Variants in DIAPH3 observed in about 807,000 individuals in gnomAD.
The protein encoded by DIAPH3 is protein diaphanous homolog 3.
A neutral mutation model predicts 144.3 loss-of-function variants in DIAPH3; 117 were observed. The observed-to-expected ratio is 0.81, with a 90% CI of 0.70 to 0.95. The LOEUF is 0.95. Among genes scored for constraint, DIAPH3 ranks in the 40% least tolerant of loss-of-function variants. DIAPH3 has a pLI of 0.00. For synonymous variants in DIAPH3, 519 were observed against 488.9 expected, an observed-to-expected ratio of 1.06 and a Z score of -0.81; for missense variants, 1,421 against 1,412.7, an observed-to-expected ratio of 1.01 and a Z score of -0.09.
chr13:59,923,365 A>T (rs977136918), intron 18 of DIAPH3, among the ~76,000 whole-genome samples: 5 of 152,294 alleles, frequency 3.3e-5, no homozygotes, highest in Middle Eastern at 6.8e-3. Context: ...ATAGTTCAAA[A>T]CACAGTGCTT....
At position 59,731,545 on chromosome 13, in the gene DIAPH3, C is replaced by G. The variant is rs569386686; in HGVS notation, c.3319+42644G>C. On this transcript the variant is annotated intron_variant, in intron 27 of 27. Transcript: ENST00000400324. ...ATTAAGCAATCTAATTAGACAGACA[C>G]CATATCTACTTCTGTATGACATTTT... Among the ~76,000 whole-genome samples, 172 of 152,228 alleles carry G rather than the reference C, an allele frequency of 1.1e-3. 5 individuals carry two copies. The South Asian group carries it at 0.035, about 31-fold the overall frequency.
At chr13:59,897,740 T>A (rs1297206549) in intron 20 of DIAPH3, among the ~76,000 whole-genome samples, 1 of 142,396 alleles carries the variant, frequency 7.0e-6, no homozygotes, top group East Asian at 2.1e-4. Context: ...AGGGTAAGAC[T>A]CCATCTCAAA....
rs141940212 is a variant in DIAPH3, at chr13:59,699,182, T to A, written c.3320-32336A>T. On this transcript the variant is annotated intron_variant, in intron 27 of 27. Transcript: ENST00000400324. Reference sequence around the variant, plus strand: ...GTCAGTACATTGGAGAAAAAGGCAGTGTCAACATGCTGAGGGTTGTGGTTG... The same window carrying A: ...GTCAGTACATTGGAGAAAAAGGCAGAGTCAACATGCTGAGGGTTGTGGTTG... Among the ~76,000 whole-genome samples, 14 of 152,300 alleles carry A rather than the reference T, an allele frequency of 9.2e-5. No individual in the cohort carries two copies. In the East Asian group the frequency reaches 2.7e-3, roughly 29 times the overall value.
chr13:60,015,004 G>GTTTTGTT (rs1377798296), intron 7 of DIAPH3, among the ~76,000 whole-genome samples: 6 of 151,488 alleles, frequency 4.0e-5, no homozygotes, highest in Admixed American at 4.0e-4. Context: ...GTTTTGTTTT[G>GTTTTGTT]TTTTGTTTAA....
intron 2 of DIAPH3, among the ~76,000 whole-genome samples, chr13:60,122,572 T>C (rs774155321): frequency 7.2e-4 from 110 of 152,334 alleles, no homozygotes; most frequent in Admixed American, 1.6e-3. Context: ...TAGCTTCCTA[T>C]CTTCCAGGCC....
chr13:59,909,613 C>T (rs1463515623), intron 20 of DIAPH3, among the ~76,000 whole-genome samples: 1 of 152,120 alleles, frequency 6.6e-6, no homozygotes, highest in Non-Finnish European at 1.5e-5. Context: ...GAACCGAAAA[C>T]AATTTGTTCA....
At chr13:59,959,351 G>C (rs188288308) in intron 17 of DIAPH3, among the ~76,000 whole-genome samples, 2 of 152,258 alleles carry the variant, frequency 1.3e-5, no homozygotes, top group African/African-American at 4.8e-5. Context: ...TTGTTCCACA[G>C]CCTCTGCTGC....
chr13:60,135,593 A>T (rs1375660707), intron 1 of DIAPH3, among the ~76,000 whole-genome samples: 6 of 152,220 alleles, frequency 3.9e-5, no homozygotes, highest in African/African-American at 1.2e-4. Flanking sequence ...TCAATAGGGC[A>T]GGAAATCACA....
chr13:59,769,952 C>T (rs1364905417), intron 27 of DIAPH3, among the ~76,000 whole-genome samples: 1 of 151,926 alleles, frequency 6.6e-6, no homozygotes, highest in East Asian at 1.9e-4. Flanking sequence ...ATAGATAATG[C>T]CCTGTACTCA....
intron 1 of DIAPH3, among the ~76,000 whole-genome samples, chr13:60,152,526 T>C (rs543467191): frequency 1.4e-5 from 2 of 141,242 alleles, no homozygotes; most frequent in South Asian, 4.5e-4. Context: ...CCTAAAAAAA[T>C]CAAAATTGAA....
chr13:59,805,204 T>C (rs890646835), intron 25 of DIAPH3, among the ~76,000 whole-genome samples: 1 of 152,048 alleles, frequency 6.6e-6, no homozygotes, highest in African/African-American at 2.4e-5. Flanking sequence ...CAAAACATAA[T>C]TACACAACAC....
chr13:59,859,621 A>C (rs1449422046), intron 22 of DIAPH3, among the ~76,000 whole-genome samples: 1 of 151,868 alleles, frequency 6.6e-6, no homozygotes, highest in East Asian at 1.9e-4. Context: ...TTCATCCACT[A>C]CTCCGTTATC....
At chr13:59,996,433 A>T (rs1188993924) in intron 9 of DIAPH3, among the ~76,000 whole-genome samples, 1 of 152,070 alleles carries the variant, frequency 6.6e-6, no homozygotes, top group African/African-American at 2.4e-5. Flanking sequence ...GTCAATTATC[A>T]AAAAGGGTCT....
At chr13:59,923,009 G>A (rs1219210497) in intron 18 of DIAPH3, among the ~76,000 whole-genome samples, 1 of 152,094 alleles carries the variant, frequency 6.6e-6, no homozygotes, top group African/African-American at 2.4e-5. Context: ...ACCTGGTGGG[G>A]TTGTAGTGAA....
At chr13:60,076,627 G>A (rs2057390817) in intron 4 of DIAPH3, among the ~76,000 whole-genome samples, 1 of 151,932 alleles carries the variant, frequency 6.6e-6, no homozygotes, top group Non-Finnish European at 1.5e-5. Context: ...CCTCATCTTT[G>A]GTAGGATTTT....
chr13:60,146,572 T>C (rs1951533597), intron 1 of DIAPH3, among the ~76,000 whole-genome samples: 1 of 152,186 alleles, frequency 6.6e-6, no homozygotes, highest in Non-Finnish European at 1.5e-5. Context: ...CACTGTGCCA[T>C]ATGCAATACA....
chr13:60,042,140 C>A (rs188872168), intron 5 of DIAPH3, among the ~76,000 whole-genome samples: 86 of 152,148 alleles, frequency 5.7e-4, no homozygotes, highest in African/African-American at 2.0e-3. Flanking sequence ...TATGGAAACA[C>A]CTATGGTATT....
intron 17 of DIAPH3, among the ~76,000 whole-genome samples, chr13:59,958,702 C>T (rs961682155): frequency 6.6e-6 from 1 of 151,660 alleles, no homozygotes; most frequent in Non-Finnish European, 1.5e-5. Flanking sequence ...ACTTGATGCA[C>T]ATTAATTAAA....
intron 17 of DIAPH3, among the ~76,000 whole-genome samples, chr13:59,944,276 C>A (rs73545324): frequency 6.4e-4 from 97 of 151,972 alleles, no homozygotes; most frequent in African/African-American, 2.3e-3. Context: ...AGTAGATGGA[C>A]CAGGAAAATC....
Sources: gnomAD v4.1 joint callset for allele counts (sites outside exome capture counted in the v4.1 genomes callset) on GRCh38, gnomAD v4.1.1 for gene constraint, MANE v1.5 for transcripts, NCBI Gene and HGNC (gene_info 2026-07-23, HGNC 2026-07-21) for gene names.